The following ZFHX3 variants were observed in gnomAD, a reference collection of about 807,000 sequenced individuals.
The protein encoded by ZFHX3 is zinc finger homeobox 3.
In ZFHX3, 42 loss-of-function variants were observed where a neutral mutation model predicts 279.1. That is an observed-to-expected ratio of 0.15 (90% CI 0.12 to 0.19). The LOEUF is 0.19. Among genes scored for constraint, ZFHX3 ranks in the 10% least tolerant of loss-of-function variants. The pLI is 1.00. For missense variants in ZFHX3, 4,981 were observed against 4,754.0 expected, an observed-to-expected ratio of 1.05 and a Z score of -1.40; for synonymous variants, 2,293 against 1,957.8, an observed-to-expected ratio of 1.17 and a Z score of -4.52.
At chr16:73,633,563 C>T (rs920428312) in intron 2 of ZFHX3, among the ~76,000 whole-genome samples, 4 of 152,096 alleles carry the variant, frequency 2.6e-5, no homozygotes, top group South Asian at 4.1e-4. Flanking sequence ...TGGGTATATG[C>T]GGTTTGACTA....
At chr16:73,616,061 G>A (rs149632241) in intron 2 of ZFHX3, among the ~76,000 whole-genome samples, 1 of 152,090 alleles carries the variant, frequency 6.6e-6, no homozygotes, top group Non-Finnish European at 1.5e-5. Flanking sequence ...TGAAAGATCC[G>A]GAGGGTATTG....
At chr16:73,003,329 A>C (rs1469325274) in intron 1 of ZFHX3, among the ~76,000 whole-genome samples, 2 of 151,914 alleles carry the variant, frequency 1.3e-5, no homozygotes, top group African/African-American at 2.4e-5. Context: ...AAAAAAAAAA[A>C]AAACCATCAG....
At chr16:73,393,609 G>C (rs946606659) in intron 3 of ZFHX3, among the ~76,000 whole-genome samples, 2 of 152,172 alleles carry the variant, frequency 1.3e-5, no homozygotes, top group African/African-American at 4.8e-5. Flanking sequence ...CTTCTCACGT[G>C]AATCTTCCTT....
At chr16:73,123,526 G>A (rs995340855) in intron 7 of ZFHX3, 2 of 151,140 alleles carry the variant, frequency 1.3e-5, no homozygotes, top group Non-Finnish European at 2.9e-5. Context: ...GTCCTCACCT[G>A]ACTGTAGCCA....
At chr16:73,865,880 G>C (rs1320954622) in intron 1 of ZFHX3, among the ~76,000 whole-genome samples, 1 of 151,954 alleles carries the variant, frequency 6.6e-6, no homozygotes, top group East Asian at 1.9e-4. Flanking sequence ...AGCTACACTG[G>C]AGGCTGAGGC....
chr16:73,440,114 T>C (rs2018064346), intron 3 of ZFHX3, among the ~76,000 whole-genome samples: 1 of 151,872 alleles, frequency 6.6e-6, no homozygotes, highest in Non-Finnish European at 1.5e-5. Flanking sequence ...AACCACAGAG[T>C]ATTTACTGAA....
At chr16:73,248,645 ATGTGTG>A (rs145260850) in intron 5 of ZFHX3, among the ~76,000 whole-genome samples, 5 of 149,016 alleles carry the variant, frequency 3.4e-5, no homozygotes, top group Admixed American at 1.3e-4. Context: ...TGGAGAATGT[ATGTGTG>A]TGTGTGTGTG....
intron 5 of ZFHX3, among the ~76,000 whole-genome samples, chr16:73,151,117 G>A (rs1416062378): frequency 6.6e-6 from 1 of 152,172 alleles, no homozygotes; most frequent in East Asian, 1.9e-4. Flanking sequence ...TATATCAAAT[G>A]TCCACAACAC....
chr16:73,288,747 A>G (rs1444994094), intron 4 of ZFHX3, among the ~76,000 whole-genome samples: 1 of 151,964 alleles, frequency 6.6e-6, no homozygotes, highest in Non-Finnish European at 1.5e-5. Context: ...AGCCAAGATT[A>G]TGTCTTCAGT....
intron 1 of ZFHX3, among the ~76,000 whole-genome samples, chr16:73,835,752 T>A (rs1961129894): frequency 6.6e-6 from 1 of 152,078 alleles, no homozygotes; most frequent in African/African-American, 2.4e-5. Flanking sequence ...ATTACAGGCA[T>A]GAGCCACCAC....
intron 9 of ZFHX3, chr16:72,789,760 C>T (rs1055761338): frequency 1.1e-4 from 17 of 152,256 alleles, no homozygotes; most frequent in African/African-American, 3.1e-4. Context: ...GTATAACCGC[C>T]TAGGAATAGG....
intron 1 of ZFHX3, among the ~76,000 whole-genome samples, chr16:73,745,677 T>C (rs1444994466): frequency 6.6e-6 from 1 of 152,196 alleles, no homozygotes; most frequent in Admixed American, 6.5e-5. Context: ...CTTTTTACCA[T>C]GAACATGCCC....
chr16:73,248,205 T>A (rs1003308738), intron 5 of ZFHX3, among the ~76,000 whole-genome samples: 2 of 151,722 alleles, frequency 1.3e-5, no homozygotes, highest in African/African-American at 4.9e-5. Flanking sequence ...TGTGTCTGTG[T>A]GTATATATGT....
intron 4 of ZFHX3, among the ~76,000 whole-genome samples, chr16:72,886,258 G>C (rs2038618630): frequency 6.6e-6 from 1 of 152,162 alleles, no homozygotes; most frequent in African/African-American, 2.4e-5. Context: ...TGTGTGGGAG[G>C]GGAGGAGTAT....
At chr16:73,606,898 C>T (rs942798838) in intron 2 of ZFHX3, among the ~76,000 whole-genome samples, 1 of 152,022 alleles carries the variant, frequency 6.6e-6, no homozygotes, top group African/African-American at 2.4e-5. Context: ...CATGTCCCTG[C>T]AAAGGATAAG....
intron 1 of ZFHX3, among the ~76,000 whole-genome samples, chr16:73,880,840 A>G (rs1330274050): frequency 1.3e-5 from 2 of 152,160 alleles, no homozygotes; most frequent in Admixed American, 1.3e-4. Context: ...TCGGATAGTA[A>G]TCTTTCCAAA....
intron 3 of ZFHX3, among the ~76,000 whole-genome samples, chr16:73,394,664 G>C (rs1033788275): frequency 6.6e-6 from 1 of 152,074 alleles, no homozygotes; most frequent in African/African-American, 2.4e-5. Flanking sequence ...GCTTGTAATG[G>C]TACAGAAAAC....
chr16:73,375,369 G>C (rs1164508615), intron 3 of ZFHX3, among the ~76,000 whole-genome samples: 1 of 152,064 alleles, frequency 6.6e-6, no homozygotes, highest in East Asian at 1.9e-4. Context: ...TCCTTCCTGA[G>C]ATTTGAAACT....
rs191059832 is a variant in ZFHX3 at position 73,677,223 on chromosome 16, A to T, written c.-1547+2957T>A. On this transcript the variant is annotated intron_variant, in intron 2 of 17. Coordinates refer to the ZFHX3 transcript ENST00000641206. ...AGGAGGCAATTAAATAAAACTGTAA[A>T]TTAATAATAACATGATGTCATAAAA... Among the ~76,000 whole-genome samples, 7 of 24,078 alleles carry T rather than the reference A, an allele frequency of 2.9e-4. No individual in the cohort carries two copies. The East Asian group carries it at 0.028, about 98-fold the overall frequency. The allele number at this position is 24,078 out of a possible 152,430, so 15.8% of individuals were successfully genotyped here.
Sources: gnomAD v4.1 joint callset for allele counts (sites outside exome capture counted in the v4.1 genomes callset) on GRCh38, gnomAD v4.1.1 for gene constraint, MANE v1.5 for transcripts, NCBI Gene and HGNC (gene_info 2026-07-23, HGNC 2026-07-21) for gene names.